The following FMNL2 variants were observed in gnomAD, a reference collection of about 807,000 sequenced individuals.
FMNL2 encodes formin like 2, also known as formin-like protein 2.
A neutral mutation model predicts 130.2 loss-of-function variants in FMNL2; 51 were observed. That is an observed-to-expected ratio of 0.39 (90% CI 0.31 to 0.49). FMNL2 has a LOEUF of 0.49. Among genes scored for constraint, FMNL2 ranks in the 20% least tolerant of loss-of-function variants. The pLI, the probability that FMNL2 is intolerant of heterozygous loss-of-function variation, is 0.85. For synonymous variants in FMNL2, 465 were observed against 467.1 expected (o/e 1.00, Z 0.06); for missense variants, 977 against 1,316.2 (o/e 0.74, Z 3.99).
At chr2:152,364,261 G>GTTTTT (rs869062341) in intron 1 of FMNL2, among the ~76,000 whole-genome samples, 30 of 24,456 alleles carry the variant, frequency 1.2e-3, no homozygotes, top group African/African-American at 3.4e-3. Context: ...AGGTTTGTGT[G>GTTTTT]TTTTTTTTTT....
At chr2:152,646,597 C>T (rs1052121974) in intron 25 of FMNL2, among the ~76,000 whole-genome samples, 5 of 150,656 alleles carry the variant, frequency 3.3e-5, no homozygotes, top group Admixed American at 6.6e-5. Context: ...GGTGGGGGGG[C>T]ACAGTGGAGC....
intron 1 of FMNL2, among the ~76,000 whole-genome samples, chr2:152,435,721 T>C (rs58110523): frequency 0.027 from 4,127 of 152,286 alleles, 189 homozygotes; most frequent in African/African-American, 0.094. Context: ...TTGACAGATA[T>C]AGCTAGTTGA....
At chr2:152,463,055 CAT>C (rs1194710253) in intron 1 of FMNL2, among the ~76,000 whole-genome samples, 1 of 152,202 alleles carries the variant, frequency 6.6e-6, no homozygotes, top group Non-Finnish European at 1.5e-5. Context: ...CCTGGTACAA[CAT>C]ATGATCTTGG....
intron 1 of FMNL2, among the ~76,000 whole-genome samples, chr2:152,397,845 T>C (rs1044565012): frequency 3.3e-5 from 5 of 152,228 alleles, no homozygotes; most frequent in African/African-American, 1.2e-4. Context: ...AAGCTTTGGC[T>C]GGGTGCAGTG....
chr2:152,404,389 G>A (rs2105974622), intron 1 of FMNL2, among the ~76,000 whole-genome samples: 1 of 152,168 alleles, frequency 6.6e-6, no homozygotes, highest in Admixed American at 6.5e-5. Flanking sequence ...CAGAGAAAGG[G>A]GACACCAAGC....
rs73968060 is a variant in FMNL2, at chr2:152,527,940, G to A, written c.201+5914G>A. Among the ~76,000 whole-genome samples the A allele has an allele frequency of 8.3e-3, 1,257 of 152,206 alleles. 16 individuals carry two copies. Among genetic ancestry groups the A allele is most frequent in the African/African-American group, 0.029 (1,184 of 41,534 alleles). On this transcript the variant is annotated intron_variant, in intron 2 of 25. Transcript: ENST00000288670. The stretch of plus-strand genomic sequence containing the variant: ...GAGGTAGTATTAGAGATGAGGAAGT[G>A]CATGCAAAAGGTTTTTATAGCTGCT...
intron 1 of FMNL2, among the ~76,000 whole-genome samples, chr2:152,466,081 C>A (rs1003125086): frequency 6.6e-6 from 1 of 152,320 alleles, no homozygotes; most frequent in Admixed American, 6.5e-5. Context: ...TGATCTTGAT[C>A]TTTCTGAGCC....
chr2:152,641,027 G>A lies in FMNL2; in HGVS notation c.3169+113G>A. Reference sequence around the variant, plus strand: ...TCCAGGGTTGTCAAGTTCATTAGTTGACTTTATTCACACCCAGAGTGATGC... The same window carrying A: ...TCCAGGGTTGTCAAGTTCATTAGTTAACTTTATTCACACCCAGAGTGATGC... On this transcript the variant is annotated intron_variant, in intron 25 of 25. Coordinates refer to ENST00000288670, the MANE Select transcript of FMNL2 (RefSeq NM_052905.4). 2.9e-6 allele frequency: 4 copies of A among 1,394,726 alleles called. 1 individual carries two copies. In the South Asian group the frequency reaches 4.9e-5, roughly 17 times the overall value. The allele number at this position is 1,394,726 out of a possible 1,614,324, so 86.4% of individuals were successfully genotyped here.
At chr2:152,588,216 T>C (rs1205936243) in intron 9 of FMNL2, among the ~76,000 whole-genome samples, 1 of 152,266 alleles carries the variant, frequency 6.6e-6, no homozygotes, top group Non-Finnish European at 1.5e-5. Flanking sequence ...TTTCATTTCC[T>C]TGGCCTTGTC....
At chr2:152,620,449 A>G in intron 15 of FMNL2, among the ~76,000 whole-genome samples, 1 of 152,086 alleles carries the variant, frequency 6.6e-6, no homozygotes, top group East Asian at 1.9e-4. Flanking sequence ...GACTCACGGA[A>G]ACAAAGATGA....
intron 1 of FMNL2, among the ~76,000 whole-genome samples, chr2:152,417,777 C>A (rs1156930058): frequency 2.0e-5 from 3 of 152,122 alleles, no homozygotes; most frequent in Non-Finnish European, 4.4e-5. Flanking sequence ...TTTTGACCTG[C>A]CCTGCCTATT....
chr2:152,530,230 G>T (rs569683507), intron 2 of FMNL2, among the ~76,000 whole-genome samples: 2 of 152,274 alleles, frequency 1.3e-5, no homozygotes, highest in South Asian at 2.1e-4. Context: ...AAATTAAAAT[G>T]ATTTATTAAG....
intron 1 of FMNL2, among the ~76,000 whole-genome samples, chr2:152,369,801 T>C (rs1683769513): frequency 6.6e-6 from 1 of 152,222 alleles, no homozygotes; most frequent in South Asian, 2.1e-4. Flanking sequence ...GCCATTGACT[T>C]TTCTTCTTTC....
At chr2:152,645,513 G>A in intron 25 of FMNL2, 2 of 1,289,962 alleles carry the variant, frequency 1.6e-6, no homozygotes, top group Non-Finnish European at 2.0e-6. Context: ...CGGTGGTGGA[G>A]GATACACAGA....
intron 10 of FMNL2, 109 bp downstream of exon 10, chr2:152,607,522 A>G: frequency 2.5e-6 from 2 of 815,612 alleles, no homozygotes; most frequent in Non-Finnish European, 4.0e-6. Context: ...TATATTACAA[A>G]GGACAGGGAA....
Sources: gnomAD v4.1 joint callset for allele counts (sites outside exome capture counted in the v4.1 genomes callset) on GRCh38, gnomAD v4.1.1 for gene constraint, MANE v1.5 for transcripts, NCBI Gene and HGNC (gene_info 2026-07-23, HGNC 2026-07-21) for gene names.